BACH2: variants seen among roughly 807,000 people sequenced by gnomAD.
BACH2 encodes BACH transcriptional regulator 2.
Under a neutral mutation model 61.8 loss-of-function variants are expected in BACH2, and 5 were observed. The ratio of observed to expected loss-of-function variants is 0.08; its 90% CI spans 0.04 to 0.17. The LOEUF is 0.17. BACH2 is among the 10% of genes least tolerant of loss of function. The probability of loss-of-function intolerance (pLI) is 1.00; values close to 1 mark genes in which losing one functional copy is unlikely to be tolerated. For synonymous variants in BACH2, 446 were observed against 440.1 expected, an observed-to-expected ratio of 1.01 and a Z score of -0.17; for missense variants, 824 against 1,091.1, an observed-to-expected ratio of 0.76 and a Z score of 3.45.
At chr6:90,050,136 A>G (rs1352142806) in intron 5 of BACH2, among the ~76,000 whole-genome samples, 1 of 152,238 alleles carries the variant, frequency 6.6e-6, no homozygotes, top group Non-Finnish European at 1.5e-5. Flanking sequence ...TCTGTTAAGA[A>G]TGATAATAAC....
intron 2 of BACH2, among the ~76,000 whole-genome samples, chr6:90,258,398 CTCTAT>C (rs1480885091): frequency 6.6e-6 from 1 of 152,096 alleles, no homozygotes; most frequent in Non-Finnish European, 1.5e-5. Context: ...TTTCTGGACT[CTCTAT>C]TCTGTTCCAC....
At chr6:89,960,141 C>T (rs944401021) in intron 6 of BACH2, among the ~76,000 whole-genome samples, 1 of 152,220 alleles carries the variant, frequency 6.6e-6, no homozygotes, top group Admixed American at 6.5e-5. Context: ...GGTCATTAAT[C>T]ATTAGGTTAG....
intron 4 of BACH2, among the ~76,000 whole-genome samples, chr6:90,115,986 G>A (rs1289942854): frequency 6.6e-6 from 1 of 152,128 alleles, no homozygotes; most frequent in Non-Finnish European, 1.5e-5. Flanking sequence ...CAGTCAGAAT[G>A]GTTGTTATTA....
chr6:90,030,681 A>G (rs1429361928), intron 5 of BACH2, among the ~76,000 whole-genome samples: 2 of 152,118 alleles, frequency 1.3e-5, no homozygotes, highest in Non-Finnish European at 2.9e-5. Context: ...GAATAGACCA[A>G]TAACAGGTTC....
At position 89,951,687 on chromosome 6, in the gene BACH2, A is replaced by T; in HGVS notation, c.419T>A (p.Leu140Gln). The change falls in exon 7 of 9, where the codon CTG becomes CAG. Residue 140 changes from leucine (L) to glutamine (Q), a missense_variant. Physicochemically the swap from Leu to Gln is moderately radical, Grantham distance 113. Coordinates refer to ENST00000257749, the MANE Select transcript of BACH2 (RefSeq NM_021813.4). This position sits in a 1 kb window ranked among gnomAD's most constrained non-coding sequence, Gnocchi z 6.4. The stretch of plus-strand genomic sequence containing the variant: ...CGCAGCATCCTTCCGGCACACAAAC[A>T]GGCCATCCTCACTGTTCAGGAGCTG... ...QTQLLNSEDG[L>Q]FVCRKDAACQ... is the part of the protein sequence containing the mutation. 6.2e-7 allele frequency: 1 copy of T among 1,614,200 alleles called. No individual in the cohort carries two copies. Among genetic ancestry groups the T allele is most frequent in the Non-Finnish European group, 8.5e-7 (1 of 1,180,042 alleles).
chr6:90,251,573 AAGAGAGAACCCTTT>A (rs138211576), intron 3 of BACH2, among the ~76,000 whole-genome samples: 33,736 of 150,902 alleles, frequency 0.22, 4,971 homozygotes, highest in Non-Finnish European at 0.33. Context: ...ATATTAAAAA[AAGAGAGAACCCTTT>A]TGCTTTCAGA....
At chr6:90,125,454 C>T (rs553034082) in intron 4 of BACH2, among the ~76,000 whole-genome samples, 2 of 152,280 alleles carry the variant, frequency 1.3e-5, no homozygotes, top group East Asian at 3.9e-4. Flanking sequence ...TATCCTCTGC[C>T]GTCAGGAATG....
chr6:89,960,367 C>G (rs950787503), intron 6 of BACH2, among the ~76,000 whole-genome samples: 2 of 152,224 alleles, frequency 1.3e-5, no homozygotes, highest in African/African-American at 4.8e-5. Flanking sequence ...CTTCCGACCG[C>G]AGAGTTCAAC....
intron 4 of BACH2, among the ~76,000 whole-genome samples, chr6:90,181,372 CAG>C (rs746599619): frequency 1.3e-4 from 19 of 150,246 alleles, no homozygotes; most frequent in East Asian, 1.2e-3. Flanking sequence ...TTTACATAAA[CAG>C]GGGAAAAATG....
intron 5 of BACH2, among the ~76,000 whole-genome samples, chr6:90,077,885 T>C (rs1781543810): frequency 6.6e-6 from 1 of 152,156 alleles, no homozygotes; most frequent in Non-Finnish European, 1.5e-5. Context: ...AGTCTCAGCA[T>C]CTAATCCTGA....
At position 89,938,124 on chromosome 6, in the gene BACH2, C is replaced by A; in HGVS notation, c.2043+20G>T. 1 of 1,607,830 alleles carries A rather than the reference C, an allele frequency of 6.2e-7. No individual in the cohort carries two copies. Among genetic ancestry groups the A allele is most frequent in the Non-Finnish European group, 8.5e-7 (1 of 1,174,448 alleles). ...CCTGGTCACTTCAGGTTGCTGATCA[C>A]AATGGATGGGTCAACTCACCAATTT... is the stretch of plus-strand genomic sequence containing the variant. On this transcript the variant is annotated intron_variant, in intron 8 of 8. Coordinates refer to ENST00000257749, the MANE Select transcript of BACH2 (RefSeq NM_021813.4).
intron 3 of BACH2, among the ~76,000 whole-genome samples, chr6:90,216,627 G>T (rs939015948): frequency 6.6e-6 from 1 of 152,146 alleles, no homozygotes; most frequent in Non-Finnish European, 1.5e-5. Flanking sequence ...ACTTAACTTG[G>T]AATTCCAACT....
intron 6 of BACH2, among the ~76,000 whole-genome samples, chr6:89,993,819 T>A (rs999938654): frequency 2.0e-5 from 3 of 151,214 alleles, no homozygotes; most frequent in South Asian, 4.2e-4. Flanking sequence ...TTTTTTTGAA[T>A]TTTTTTTCTA....
intron 4 of BACH2, among the ~76,000 whole-genome samples, chr6:90,173,730 T>G (rs1356080721): frequency 6.6e-6 from 1 of 152,160 alleles, no homozygotes; most frequent in African/African-American, 2.4e-5. Context: ...GACGGAAATA[T>G]CTATAGCTTT....
intron 4 of BACH2, among the ~76,000 whole-genome samples, chr6:90,121,932 C>T (rs1469735265): frequency 6.6e-6 from 1 of 152,154 alleles, no homozygotes; most frequent in African/African-American, 2.4e-5. Context: ...CTGCCTTTTG[C>T]CCCCCATTTC....
chr6:89,958,665 C>T (rs1031608668), intron 6 of BACH2, among the ~76,000 whole-genome samples: 1 of 152,128 alleles, frequency 6.6e-6, no homozygotes, highest in Non-Finnish European at 1.5e-5. Flanking sequence ...GAGGTATTTG[C>T]AGGATGCTGG....
intron 5 of BACH2, among the ~76,000 whole-genome samples, chr6:90,046,368 C>T (rs143124506): frequency 3.3e-4 from 50 of 152,316 alleles, no homozygotes; most frequent in African/African-American, 1.2e-3. Flanking sequence ...CAAATGCCAT[C>T]AAGGACAGAT....
At chr6:90,065,835 C>T (rs375754082) in intron 5 of BACH2, among the ~76,000 whole-genome samples, 10 of 152,160 alleles carry the variant, frequency 6.6e-5, no homozygotes, top group Admixed American at 1.3e-4. Context: ...AAGCACGACA[C>T]GTGTGGGAAA....
At chr6:90,181,431 G>A (rs76103427) in intron 4 of BACH2, among the ~76,000 whole-genome samples, 8,528 of 151,868 alleles carry the variant, frequency 0.056, 343 homozygotes, top group South Asian at 0.11. Context: ...AAGAGGAGGA[G>A]AGTGATCCAG....
Sources: allele counts gnomAD v4.1 joint callset (sites outside exome capture counted in the v4.1 genomes callset), GRCh38; gene constraint gnomAD v4.1.1; non-coding constraint Gnocchi (gnomAD v3.1); transcripts MANE v1.5; gene names NCBI Gene and HGNC (gene_info 2026-07-23, HGNC 2026-07-21).